IL1RAPL2: variants seen among roughly 807,000 people sequenced by gnomAD.
The protein encoded by IL1RAPL2 is interleukin 1 receptor accessory protein like 2, also known as X-linked interleukin-1 receptor accessory protein-like 2.
In IL1RAPL2, 3 loss-of-function variants were observed where a neutral mutation model predicts 44.1. That is an observed-to-expected ratio of 0.07 (90% CI 0.03 to 0.18). IL1RAPL2 has a LOEUF of 0.18. Among genes scored for constraint, IL1RAPL2 ranks in the 10% least tolerant of loss-of-function variants. IL1RAPL2 has a pLI of 1.00. For missense variants in IL1RAPL2, 391 were observed against 496.4 expected (o/e 0.79, Z 2.02); for synonymous variants, 181 against 178.8 (o/e 1.01, Z -0.10).
chrX:105,647,550 C>T (rs1195681122), intron 6 of IL1RAPL2, among the ~76,000 whole-genome samples: 3 of 111,715 alleles, frequency 2.7e-5, no homozygotes, highest in Admixed American at 9.4e-5. Flanking sequence ...TTACAAACCC[C>T]GTGTTTAAAG....
At chrX:105,437,118 TAATAGTGAG>T (rs2035887660) in intron 5 of IL1RAPL2, among the ~76,000 whole-genome samples, 1 of 108,344 alleles carries the variant, frequency 9.2e-6, no homozygotes, top group African/African-American at 3.3e-5. Context: ...AAAACTTATG[TAATAGTGAG>T]AATTCATTTG....
chrX:104,725,867 G>A (rs1451975843), intron 2 of IL1RAPL2, among the ~76,000 whole-genome samples: 1 of 111,815 alleles, frequency 8.9e-6, no homozygotes, highest in Non-Finnish European at 1.9e-5. Context: ...TTCTTTTGAT[G>A]TGAAGAAGCT....
At chrX:104,796,735 A>G (rs1932851408) in intron 2 of IL1RAPL2, among the ~76,000 whole-genome samples, 1 of 111,761 alleles carries the variant, frequency 8.9e-6, no homozygotes, top group African/African-American at 3.3e-5. Flanking sequence ...GCAAAAGCCT[A>G]AGGGAAAAGA....
Position 104,817,966 on chromosome X carries a change from G to A in IL1RAPL2, c.82+158971G>A, listed in dbSNP as rs1290029005. ...GTGCCATTCATTGAGATGGGGAAAA[G>A]TGAAGGAGGAATAGATTCGGGCGTG... On this transcript the variant is annotated intron_variant, in intron 2 of 10. Coordinates refer to ENST00000372582, the MANE Select transcript of IL1RAPL2 (RefSeq NM_017416.2). Among the ~76,000 whole-genome samples the A allele has an allele frequency of 2.7e-5, 3 of 111,144 alleles. No homozygotes were observed. The East Asian group carries it at 8.5e-4, about 32-fold the overall frequency.
intron 2 of IL1RAPL2, among the ~76,000 whole-genome samples, chrX:104,883,171 C>A (rs1923118940): frequency 9.0e-6 from 1 of 111,718 alleles, no homozygotes; most frequent in Non-Finnish European, 1.9e-5. Flanking sequence ...GGACTATCAC[C>A]TATCGCCAAG....
chrX:104,848,840 T>A (rs921295003), intron 2 of IL1RAPL2, among the ~76,000 whole-genome samples: 2 of 110,700 alleles, frequency 1.8e-5, no homozygotes, highest in Admixed American at 1.9e-4. Flanking sequence ...AAATAAAATT[T>A]AAGTATTCAA....
chrX:104,892,142 A>G (rs1923470399), intron 2 of IL1RAPL2, among the ~76,000 whole-genome samples: 1 of 111,568 alleles, frequency 9.0e-6, no homozygotes. Context: ...CCAGGGATGA[A>G]GCCCACTTGA....
intron 2 of IL1RAPL2, among the ~76,000 whole-genome samples, chrX:104,836,358 C>T (rs1393389096): frequency 9.1e-6 from 1 of 110,005 alleles, no homozygotes; most frequent in Non-Finnish European, 1.9e-5. Flanking sequence ...GATAGCATAA[C>T]AGGGTGACTA....
intron 6 of IL1RAPL2, among the ~76,000 whole-genome samples, chrX:105,636,846 C>G (rs113059691): frequency 0.018 from 1,954 of 111,191 alleles, 53 homozygotes; most frequent in African/African-American, 0.06. Flanking sequence ...TTTTGACCTT[C>G]TACTGTTGCT....
intron 6 of IL1RAPL2, among the ~76,000 whole-genome samples, chrX:105,520,500 A>C (rs191759735): frequency 1.8e-5 from 2 of 111,886 alleles, no homozygotes; most frequent in Admixed American, 9.5e-5. Context: ...CCAAGCCTTA[A>C]TTCCTTTTTA....
chrX:104,620,984 TAAC>T (rs1407142837), intron 1 of IL1RAPL2, among the ~76,000 whole-genome samples: 3 of 103,292 alleles, frequency 2.9e-5, no homozygotes, highest in Non-Finnish European at 5.8e-5. Context: ...TATAATATAA[TAAC>T]ATATACATTC....
chrX:104,960,074 C>A (rs1355793124), intron 2 of IL1RAPL2, among the ~76,000 whole-genome samples: 1 of 111,933 alleles, frequency 8.9e-6, no homozygotes, highest in African/African-American at 3.2e-5. Flanking sequence ...TTTTATCCTG[C>A]AGAGTACCTG....
At chrX:105,044,759 G>C (rs746140680) in intron 2 of IL1RAPL2, among the ~76,000 whole-genome samples, 14 of 111,544 alleles carry the variant, frequency 1.3e-4, no homozygotes, top group Non-Finnish European at 1.9e-4. Flanking sequence ...CTCCTATTCT[G>C]ATTGGAGACA....
chrX:105,225,060 T>C (rs1330120833), intron 3 of IL1RAPL2, among the ~76,000 whole-genome samples: 2 of 111,924 alleles, frequency 1.8e-5, no homozygotes, highest in Non-Finnish European at 3.8e-5. Context: ...TCCTCAATCA[T>C]TGGTAGTCAG....
At chrX:104,634,740 C>G (rs1929752121) in intron 1 of IL1RAPL2, among the ~76,000 whole-genome samples, 1 of 111,648 alleles carries the variant, frequency 9.0e-6, no homozygotes, top group African/African-American at 3.3e-5. Context: ...ATGTGTGTCT[C>G]TGCACATGAG....
At chrX:105,524,163 G>C (rs1379752830) in intron 6 of IL1RAPL2, among the ~76,000 whole-genome samples, 2 of 111,530 alleles carry the variant, frequency 1.8e-5, no homozygotes, top group East Asian at 5.6e-4. Flanking sequence ...AGGTAGGCAG[G>C]TGCTGGGGCA....
At chrX:104,919,329 G>A (rs1463188212) in intron 2 of IL1RAPL2, among the ~76,000 whole-genome samples, 2 of 106,941 alleles carry the variant, frequency 1.9e-5, no homozygotes, top group Non-Finnish European at 3.8e-5. Flanking sequence ...GGGTTCAAGC[G>A]ATTCTCCTGC....
At chrX:105,382,611 C>G (rs376872272) in intron 5 of IL1RAPL2, among the ~76,000 whole-genome samples, 2 of 104,374 alleles carry the variant, frequency 1.9e-5, no homozygotes, top group Non-Finnish European at 1.9e-5. Flanking sequence ...CCAGCCATCC[C>G]ATTACTGGGT....
intron 2 of IL1RAPL2, among the ~76,000 whole-genome samples, chrX:105,077,314 G>T (rs1000106723): frequency 2.8e-4 from 31 of 111,459 alleles, no homozygotes; most frequent in African/African-American, 8.8e-4. Flanking sequence ...GCTTAGTTTG[G>T]CTGGATATGA....
Sources: allele counts gnomAD v4.1 joint callset (sites outside exome capture counted in the v4.1 genomes callset), GRCh38; gene constraint gnomAD v4.1.1; transcripts MANE v1.5; gene names NCBI Gene and HGNC (gene_info 2026-07-23, HGNC 2026-07-21).